The following C3orf70 variants were observed in gnomAD, a reference collection of about 807,000 sequenced individuals.
C3orf70 encodes chromosome 3 open reading frame 70.
Under a neutral mutation model 20.7 loss-of-function variants are expected in C3orf70, and 15 were observed. The ratio of observed to expected loss-of-function variants is 0.72; its 90% CI spans 0.48 to 1.11. C3orf70 has a LOEUF of 1.11. Among genes scored for constraint, C3orf70 ranks in the 50% most tolerant of loss-of-function variants. C3orf70 has a pLI of 0.00. For synonymous variants in C3orf70, 161 were observed against 125.7 expected (o/e 1.28, Z -1.88); for missense variants, 332 against 317.6 (o/e 1.05, Z -0.34).
Position 185,088,100 on chromosome 3 carries a change from G to A in C3orf70, c.197-4537C>T, listed in dbSNP as rs566691235. Among the ~76,000 whole-genome samples the A allele has an allele frequency of 8.9e-4, 136 of 152,028 alleles. 1 individual carries two copies. Among genetic ancestry groups the A allele is most frequent in the Middle Eastern group, 3.4e-3 (1 of 294 alleles). On this transcript the variant is annotated intron_variant, in intron 1 of 1. Coordinates refer to ENST00000335012, the MANE Select transcript of C3orf70 (RefSeq NM_001025266.3). ...CTAATTTTGTATTTTTGTTAGGGAC[G>A]GAGTTTCTTCACATTAGTCAGGCTG...
chr3:185,147,403 TC>T (rs1198379758), intron 1 of C3orf70, among the ~76,000 whole-genome samples: 1 of 152,218 alleles, frequency 6.6e-6, no homozygotes, highest in African/African-American at 2.4e-5. Flanking sequence ...TTCTCATTCT[TC>T]CGGATTTAAC....
At chr3:185,146,167 T>A (rs139265796) in intron 1 of C3orf70, among the ~76,000 whole-genome samples, 1 of 152,298 alleles carries the variant, frequency 6.6e-6, no homozygotes, top group East Asian at 1.9e-4. Flanking sequence ...ATCAGCGTTC[T>A]CTATCTCTGG....
At chr3:185,130,499 G>C (rs563101554) in intron 1 of C3orf70, among the ~76,000 whole-genome samples, 1 of 152,186 alleles carries the variant, frequency 6.6e-6, no homozygotes, top group East Asian at 1.9e-4. Context: ...TCCTTTAAAA[G>C]TATATACTCA....
chr3:185,084,577 C>T (rs1715422022), intron 1 of C3orf70, among the ~76,000 whole-genome samples: 1 of 151,864 alleles, frequency 6.6e-6, no homozygotes, highest in Non-Finnish European at 1.5e-5. Context: ...AAAGGGCAAA[C>T]ACACAGAGGG....
intron 1 of C3orf70, among the ~76,000 whole-genome samples, chr3:185,094,857 A>G (rs1015661453): frequency 6.6e-6 from 1 of 152,140 alleles, no homozygotes; most frequent in African/African-American, 2.4e-5. Context: ...AGGAGAGGTC[A>G]CTGGGGGTGA....
At chr3:185,147,046 A>AAAG (rs1211174923) in intron 1 of C3orf70, among the ~76,000 whole-genome samples, 1 of 152,218 alleles carries the variant, frequency 6.6e-6, no homozygotes, top group Non-Finnish European at 1.5e-5. Flanking sequence ...ACAGTCTTGA[A>AAAG]AAGCACTCCC....
At chr3:185,089,603 G>C (rs1379972786) in intron 1 of C3orf70, among the ~76,000 whole-genome samples, 1 of 152,000 alleles carries the variant, frequency 6.6e-6, no homozygotes. Context: ...TCATCCATAG[G>C]AAAGTGAAGA....
At chr3:185,150,122 T>C (rs1716958468) in intron 1 of C3orf70, among the ~76,000 whole-genome samples, 2 of 152,298 alleles carry the variant, frequency 1.3e-5, no homozygotes, top group African/African-American at 4.8e-5. Flanking sequence ...CAGGTTTTCA[T>C]TACACCCATA....
intron 1 of C3orf70, among the ~76,000 whole-genome samples, chr3:185,128,400 C>A (rs374353162): frequency 6.6e-6 from 1 of 151,928 alleles, no homozygotes; most frequent in Admixed American, 6.6e-5. Flanking sequence ...TGGTGGCACA[C>A]GCCTGTAATC....
At chr3:185,106,595 GAA>G (rs1353999418) in intron 1 of C3orf70, among the ~76,000 whole-genome samples, 5 of 152,220 alleles carry the variant, frequency 3.3e-5, no homozygotes, top group Non-Finnish European at 1.5e-5. Flanking sequence ...CTGATTTTGG[GAA>G]ACACCATGAG....
chr3:185,124,001 A>C (rs148988361), intron 1 of C3orf70, among the ~76,000 whole-genome samples: 1,816 of 152,208 alleles, frequency 0.012, 42 homozygotes, highest in African/African-American at 0.04. Context: ...TCGGGGAAAA[A>C]CTGGATAGTT....
intron 1 of C3orf70, among the ~76,000 whole-genome samples, chr3:185,099,634 A>C (rs1715781016): frequency 6.6e-6 from 1 of 151,942 alleles, no homozygotes. Context: ...CAGACCAGTG[A>C]CACTATAAAG....
At position 185,083,568 on chromosome 3, in the gene C3orf70, G is replaced by A. The variant is rs1364523840; in HGVS notation, c.197-5C>T. 1 of 1,563,748 alleles carries A rather than the reference G, an allele frequency of 6.4e-7. No individual in the cohort carries two copies. Among genetic ancestry groups the A allele is most frequent in the Non-Finnish European group, 8.6e-7 (1 of 1,157,840 alleles). On this transcript the variant is annotated splice_region_variant and splice_polypyrimidine_tract_variant and intron_variant, in intron 1 of 1. Transcript: ENST00000335012. ...TAGGCTGATACATGTATTTGCCTGT[G>A]AAGACACAAAAAGACACTTGAAATC...
At chr3:185,137,669 G>A (rs761841856) in intron 1 of C3orf70, among the ~76,000 whole-genome samples, 6 of 152,134 alleles carry the variant, frequency 3.9e-5, no homozygotes, top group Non-Finnish European at 5.9e-5. Context: ...AGGAAGTTTC[G>A]AGGGAAATCA....
intron 1 of C3orf70, among the ~76,000 whole-genome samples, chr3:185,132,424 C>CAA (rs68193448): frequency 4.1e-5 from 6 of 147,076 alleles, no homozygotes; most frequent in South Asian, 4.3e-4. Context: ...TGTAAAATAC[C>CAA]AAAAAAAAAA....
chr3:185,113,600 G>C (rs1290319789), intron 1 of C3orf70, among the ~76,000 whole-genome samples: 1 of 152,138 alleles, frequency 6.6e-6, no homozygotes. Context: ...CTATTCATTA[G>C]TCTTAGGGCT....
rs988928548 is a variant in C3orf70, at chr3:185,077,356, C to A, written c.*5651G>T. Among the ~76,000 whole-genome samples, 1 of 152,120 alleles carries A rather than the reference C, an allele frequency of 6.6e-6. No individual in the cohort carries two copies. Among genetic ancestry groups the A allele is most frequent in the Non-Finnish European group, 1.5e-5 (1 of 68,010 alleles). ...TCAAACCCTGACTGCCACTCATGTACGAGCTGTGCCACACTGGGTAAAGAT... is the reference window on the plus strand; with the variant it reads ...TCAAACCCTGACTGCCACTCATGTAAGAGCTGTGCCACACTGGGTAAAGAT... On this transcript the variant is annotated 3_prime_UTR_variant, in exon 2 of 2. Coordinates refer to ENST00000335012, the MANE Select transcript of C3orf70 (RefSeq NM_001025266.3).
Position 185,079,873 on chromosome 3 carries a change from CT to C in C3orf70, c.*3133del, listed in dbSNP as rs1715293881. ...TGCAAGTGTTAACCACTTCATGTGA[CT>C]GAGTTCAATGTTATAGTGCATGTTG... On this transcript the variant is annotated 3_prime_UTR_variant, in exon 2 of 2. Transcript: ENST00000335012. 2 of 152,672 alleles carry C rather than the reference CT, an allele frequency of 1.3e-5. No homozygotes were observed. The highest frequency in any genetic ancestry group is 4.8e-5 in the African/African-American group (2 of 41,458). The allele number at this position is 152,672 out of a possible 1,614,324, so 9.5% of individuals were successfully genotyped here. A position where few individuals can be genotyped will look rare whatever the true frequency, so the allele number is the denominator to read the frequency against.
intron 1 of C3orf70, among the ~76,000 whole-genome samples, chr3:185,095,573 G>A (rs1264759670): frequency 2.0e-5 from 3 of 152,102 alleles, no homozygotes; most frequent in African/African-American, 7.2e-5. Flanking sequence ...AGAAAAAGAA[G>A]ATCTTGAAGC....
Sources: gnomAD v4.1 joint callset for allele counts (sites outside exome capture counted in the v4.1 genomes callset) on GRCh38, gnomAD v4.1.1 for gene constraint, MANE v1.5 for transcripts, NCBI Gene and HGNC (gene_info 2026-07-23, HGNC 2026-07-21) for gene names.